Variants in GOLGA1 observed in about 807,000 individuals in gnomAD.
GOLGA1 encodes the protein golgin subfamily A member 1.
Under a neutral mutation model 119.7 loss-of-function variants are expected in GOLGA1, and 63 were observed. The observed-to-expected ratio is 0.53, with a 90% CI of 0.43 to 0.65. The LOEUF is 0.65. GOLGA1 is among the 30% of genes least tolerant of loss of function. GOLGA1 has a pLI of 0.00. For missense variants in GOLGA1, 798 were observed against 912.8 expected, an observed-to-expected ratio of 0.87 and a Z score of 1.62; for synonymous variants, 318 against 333.4, an observed-to-expected ratio of 0.95 and a Z score of 0.50.
intron 7 of GOLGA1, among the ~76,000 whole-genome samples, chr9:124,926,327 C>T (rs1007788680): frequency 6.6e-6 from 1 of 152,204 alleles, no homozygotes; most frequent in African/African-American, 2.4e-5. Flanking sequence ...AGAGAGCCCA[C>T]ATGGAGAAAG....
At chr9:124,947,709 CAAATA>C (rs1210732411) in intron 1 of GOLGA1, 6 of 152,118 alleles carry the variant, frequency 3.9e-5, no homozygotes, top group South Asian at 2.1e-4. Flanking sequence ...TATGCCATTA[CAAATA>C]AAATAAGAAT....
intron 12 of GOLGA1, among the ~76,000 whole-genome samples, chr9:124,901,155 T>C (rs1401709070): frequency 6.6e-6 from 1 of 151,768 alleles, no homozygotes; most frequent in African/African-American, 2.4e-5. Context: ...GTATTTTTAG[T>C]ACAGACAGGG....
At chr9:124,935,274 T>C (rs1830842388) in intron 3 of GOLGA1, among the ~76,000 whole-genome samples, 1 of 152,208 alleles carries the variant, frequency 6.6e-6, no homozygotes, top group Admixed American at 6.5e-5. Flanking sequence ...AACGTGAAAT[T>C]ATGTTCCATA....
At position 124,908,457 on chromosome 9, in the gene GOLGA1, G is replaced by C; in HGVS notation, c.985C>G (p.Gln329Glu). ...ELLKEKTLAE[Q>E]NLEDTRQQLL... ...TGTTGTCTGGTATCCTCCAAATTCT[G>C]CTCAGCAAGTGTTTTCTGTAAGTTG... The change falls in exon 12 of 23, where the codon CAG becomes GAG. Residue 329 changes from glutamine (Q) to glutamate (E), a missense_variant. Transcript: ENST00000373555. The C allele has an allele frequency of 1.9e-6, 3 of 1,600,370 alleles. No homozygotes were observed. The highest frequency in any genetic ancestry group is 2.7e-5 in the African/African-American group (2 of 74,758).
rs1829778496 is a variant in GOLGA1, at chr9:124,888,537, T to A, written c.1762-141A>T. 4.3e-6 allele frequency: 3 copies of A among 704,944 alleles called. No individual in the cohort carries two copies. The highest frequency in any genetic ancestry group is 7.3e-6 in the Non-Finnish European group (3 of 408,502). 43.7% of individuals were successfully genotyped at this position (704,944 alleles called of 1,614,324 possible). Reference sequence around the variant, plus strand: ...AGGCAACTGGCCAGGAAGCAATTCCTGGAGAAGATCCAATGCCCAATGCCC... The same window carrying A: ...AGGCAACTGGCCAGGAAGCAATTCCAGGAGAAGATCCAATGCCCAATGCCC... On this transcript the variant is annotated intron_variant, in intron 18 of 22. Transcript: ENST00000373555. The surrounding 1 kb of genome is among the most constrained non-coding windows in gnomAD (Gnocchi z 4.4).
upstream of GOLGA1, among the ~76,000 whole-genome samples, chr9:124,941,364 G>A (rs1444185151): frequency 6.6e-6 from 1 of 152,224 alleles, no homozygotes; most frequent in Non-Finnish European, 1.5e-5. Context: ...TAAGTGGGAG[G>A]GGCTTCGTGT....
chr9:124,916,968 T>C (rs978815538), intron 10 of GOLGA1, among the ~76,000 whole-genome samples: 2 of 147,694 alleles, frequency 1.4e-5, no homozygotes, highest in Non-Finnish European at 3.0e-5. Context: ...ACTATATTAC[T>C]ATATAATTGA....
rs1830348098 is a variant in GOLGA1 at position 124,911,898 on chromosome 9, T to G, written c.969+3A>C. 1 of 1,611,326 alleles carries G rather than the reference T, an allele frequency of 6.2e-7. No individual in the cohort carries two copies. The highest frequency in any genetic ancestry group is 1.3e-5 in the African/African-American group (1 of 74,976). On this transcript the variant is annotated splice_donor_region_variant and intron_variant, in intron 11 of 22. Coordinates refer to ENST00000373555, the MANE Select transcript of GOLGA1 (RefSeq NM_002077.4). ...CAGCCAGCCCAAAGAGAACAGAAGT[T>G]ACCTCTTTCAGGAGTTCTTGCAAGT...
At chr9:124,939,537 A>G (rs1264280005) in intron 2 of GOLGA1, among the ~76,000 whole-genome samples, 2 of 51,366 alleles carry the variant, frequency 3.9e-5, no homozygotes, top group South Asian at 5.3e-4. Context: ...CAATGAGTTT[A>G]TTTTCTTTCT....
At chr9:124,900,042 G>A (rs921279592) in intron 13 of GOLGA1, 12 of 185,146 alleles carry the variant, frequency 6.5e-5, no homozygotes, top group Non-Finnish European at 1.4e-4. Context: ...TGAAATACAC[G>A]CTGGCTGGTT....
rs763536816 is a variant in GOLGA1 at position 124,889,440 on chromosome 9, C to T, written c.1594G>A (p.Glu532Lys). 2.5e-5 allele frequency: 41 copies of T among 1,610,678 alleles called. No individual in the cohort carries two copies. The highest frequency in any genetic ancestry group is 3.4e-5 in the Non-Finnish European group (40 of 1,176,840). ...LQKEQEILQL[E>K]RGHNSALLQI... ...CCAGGGACCGACTCCTCACCTCGCT[C>T]CAGCTGGAGAATCTCCTGCTCTTTC... The change falls in exon 17 of 23, where the codon GAG (glutamate) becomes AAG (lysine). Residue 532 changes from glutamate (E) to lysine (K), a missense_variant. Coordinates refer to ENST00000373555, the MANE Select transcript of GOLGA1 (RefSeq NM_002077.4).
chr9:124,902,526 G>A (rs930151921), intron 12 of GOLGA1, among the ~76,000 whole-genome samples: 2 of 151,596 alleles, frequency 1.3e-5, no homozygotes, highest in East Asian at 1.9e-4. Flanking sequence ...TTGCTCTGTC[G>A]CCCAGGCTTG....
intron 10 of GOLGA1, 61 bp downstream of exon 10, chr9:124,921,068 C>A: frequency 1.9e-6 from 2 of 1,033,578 alleles, no homozygotes; most frequent in Non-Finnish European, 1.5e-6. Context: ...GCAGAAATTT[C>A]TGAAAGAATT....
At chr9:124,901,934 G>A (rs892402614) in intron 12 of GOLGA1, among the ~76,000 whole-genome samples, 10 of 152,204 alleles carry the variant, frequency 6.6e-5, no homozygotes, top group East Asian at 5.8e-4. Context: ...ACCTGGGCAC[G>A]AGGCCAGTGC....
intron 11 of GOLGA1, 34 bp from the exon 12 acceptor site, chr9:124,908,506 C>A (rs773835784): frequency 1.9e-6 from 2 of 1,068,508 alleles, no homozygotes; most frequent in South Asian, 1.2e-5. Context: ...AGAAGACTAT[C>A]ATTCCTCAGT....
At chr9:124,921,313 T>C (rs1830565125) in intron 9 of GOLGA1, 73 bp from the exon 10 acceptor site, 1 of 878,930 alleles carries the variant, frequency 1.1e-6, no homozygotes, top group African/African-American at 1.7e-5. Context: ...GCAGGAAAAA[T>C]ACAAATGGTT....
intron 19 of GOLGA1, among the ~76,000 whole-genome samples, chr9:124,883,847 C>T (rs558820271): frequency 6.6e-5 from 10 of 151,100 alleles, no homozygotes; most frequent in South Asian, 4.2e-4. Flanking sequence ...TTCAACCTCC[C>T]GAGTAGCTGG....
chr9:124,898,098 T>C (rs1196229293), intron 15 of GOLGA1, among the ~76,000 whole-genome samples: 1 of 152,252 alleles, frequency 6.6e-6, no homozygotes, highest in African/African-American at 2.4e-5. Context: ...TCTTCATTTC[T>C]GTACATGGTC....
At chr9:124,904,970 T>A (rs1830193734) in intron 12 of GOLGA1, among the ~76,000 whole-genome samples, 5 of 140,584 alleles carry the variant, frequency 3.6e-5, no homozygotes, top group Non-Finnish European at 4.6e-5. Flanking sequence ...TAAAATAAAA[T>A]AAATTAAAAA....
Sources: gnomAD v4.1 joint callset for allele counts (sites outside exome capture counted in the v4.1 genomes callset) on GRCh38, gnomAD v4.1.1 for gene constraint, Gnocchi (gnomAD v3.1) non-coding constraint, MANE v1.5 for transcripts, NCBI Gene and HGNC (gene_info 2026-07-23, HGNC 2026-07-21) for gene names.